The following MAGI2 variants were observed in gnomAD, a reference collection of about 807,000 sequenced individuals.
The protein encoded by MAGI2 is membrane-associated guanylate kinase, WW and PDZ domain-containing protein 2.
Under a neutral mutation model 133.3 loss-of-function variants are expected in MAGI2, and 35 were observed. The ratio of observed to expected loss-of-function variants is 0.26; its 90% confidence interval spans 0.20 to 0.35. The LOEUF (loss-of-function observed/expected upper bound fraction) is 0.35. Ranked by LOEUF, MAGI2 falls within the 10% of genes least tolerant of loss-of-function variation. MAGI2 has a pLI of 1.00. For synonymous variants in MAGI2, 729 were observed against 710.6 expected (o/e 1.03, Z -0.41); for missense variants, 1,636 against 1,863.4 (o/e 0.88, Z 2.25).
In MAGI2 at chr7:79,212,660, G is replaced by A. The variant is rs551194526; in HGVS notation, c.302-205454C>T. Among the ~76,000 whole-genome samples, 602 of 152,206 alleles carry A rather than the reference G, an allele frequency of 4.0e-3. 5 individuals are homozygous for A. The highest frequency in any genetic ancestry group is 0.022 in the South Asian group (105 of 4,828). ...TCTTACAGGGCCACCTGTTCTGTTAGAGGAGCTTGTCTAATTTATTTTCTG... is the reference window on the plus strand; with the variant it reads ...TCTTACAGGGCCACCTGTTCTGTTAAAGGAGCTTGTCTAATTTATTTTCTG... On this transcript the variant is annotated intron_variant, in intron 1 of 21. Coordinates refer to ENST00000354212, the MANE Select transcript of MAGI2 (RefSeq NM_012301.4).
chr7:78,290,417 C>A (rs957417437), intron 9 of MAGI2, among the ~76,000 whole-genome samples: 57 of 152,132 alleles, frequency 3.7e-4, no homozygotes, highest in Admixed American at 2.4e-3. Flanking sequence ...TATATATGCA[C>A]CCAATACAGG....
At chr7:79,198,123 C>T (rs1305402377) in intron 1 of MAGI2, among the ~76,000 whole-genome samples, 1 of 151,846 alleles carries the variant, frequency 6.6e-6, no homozygotes, top group East Asian at 1.9e-4. Context: ...CAAAGTGGTG[C>T]ATGCTTCTGG....
intron 2 of MAGI2, among the ~76,000 whole-genome samples, chr7:78,884,338 GC>G (rs1796104785): frequency 1.3e-5 from 2 of 152,036 alleles, no homozygotes; most frequent in South Asian, 4.1e-4. Context: ...AAAAAAATTA[GC>G]CAAGTGTGCT....
chr7:79,093,032 A>G (rs1283022409), intron 1 of MAGI2, among the ~76,000 whole-genome samples: 1 of 152,190 alleles, frequency 6.6e-6, no homozygotes, highest in African/African-American at 2.4e-5. Flanking sequence ...TCTTTAGATC[A>G]GGTATTATAA....
At chr7:79,402,713 G>A (rs901397297) in intron 1 of MAGI2, among the ~76,000 whole-genome samples, 15 of 152,110 alleles carry the variant, frequency 9.9e-5, no homozygotes, top group Admixed American at 2.0e-4. Context: ...TGTAAACCTA[G>A]AACTTTGGGA....
chr7:78,069,003 A>G (rs1042187897), intron 21 of MAGI2, among the ~76,000 whole-genome samples: 3 of 152,214 alleles, frequency 2.0e-5, no homozygotes, highest in African/African-American at 4.8e-5. Flanking sequence ...TGGAATCAAC[A>G]TTCTCACATT....
intron 1 of MAGI2, among the ~76,000 whole-genome samples, chr7:79,382,992 A>G (rs934547716): frequency 6.6e-6 from 1 of 151,696 alleles, no homozygotes; most frequent in Admixed American, 6.6e-5. Flanking sequence ...TGTTTGCAAA[A>G]GACTTAAAAA....
At chr7:78,813,683 G>A (rs1789279068) in intron 2 of MAGI2, among the ~76,000 whole-genome samples, 1 of 151,432 alleles carries the variant, frequency 6.6e-6, no homozygotes, top group East Asian at 2.0e-4. Context: ...CCACTCGGGA[G>A]GCTGAGGCAG....
rs1268586294 is a variant in MAGI2 at position 79,382,366 on chromosome 7, T to A, written c.301+70654A>T. ...ATATTCTCCTGGAAGTATAATAAAT[T>A]TCTACAATTTAATTATCATTATTAG... On this transcript the variant is annotated intron_variant, in intron 1 of 21. Transcript: ENST00000354212. Among the ~76,000 whole-genome samples the A allele has an allele frequency of 1.7e-4, 26 of 151,634 alleles. No individual in the cohort carries two copies. The Admixed American group carries it at 1.7e-3, about 10-fold the overall frequency.
intron 2 of MAGI2, among the ~76,000 whole-genome samples, chr7:78,652,003 G>T (rs535888150): frequency 6.6e-6 from 1 of 152,232 alleles, no homozygotes; most frequent in Admixed American, 6.5e-5. Flanking sequence ...TATGCTGGTT[G>T]TATATGTATA....
chr7:79,439,652 T>C (rs1420969957), intron 1 of MAGI2, among the ~76,000 whole-genome samples: 1 of 152,138 alleles, frequency 6.6e-6, no homozygotes, highest in Non-Finnish European at 1.5e-5. Flanking sequence ...AGCTTTAGCA[T>C]GACATAAAAC....
intron 21 of MAGI2, chr7:78,065,504 C>A: frequency 1.6e-6 from 1 of 615,706 alleles, no homozygotes. Context: ...AAGCATTATA[C>A]ATCAGTTAAA....
chr7:78,187,585 G>A (rs1248621808), intron 12 of MAGI2, among the ~76,000 whole-genome samples: 1 of 152,124 alleles, frequency 6.6e-6, no homozygotes, highest in East Asian at 1.9e-4. Context: ...TTCAAATAAA[G>A]AGCCAGTTGG....
chr7:79,190,065 T>C (rs1006522625), intron 1 of MAGI2, among the ~76,000 whole-genome samples: 1 of 151,866 alleles, frequency 6.6e-6, no homozygotes, highest in Non-Finnish European at 1.5e-5. Context: ...TTTTTTGTCA[T>C]TATGAATAAA....
rs151002064 is a variant in MAGI2, at chr7:78,497,278, G to C, written c.965+4299C>G. On this transcript the variant is annotated intron_variant, in intron 5 of 21. Transcript: ENST00000354212. ...ACTATTTTAAAGCATGTTTGGAAGAGTGTGTTCACTTGAAATTTAAAATTA... is the reference window on the plus strand; with the variant it reads ...ACTATTTTAAAGCATGTTTGGAAGACTGTGTTCACTTGAAATTTAAAATTA... 8.2e-3 allele frequency among the ~76,000 whole-genome samples: 1,254 copies of C among 152,278 alleles called. 19 individuals are homozygous for C. The highest frequency in any genetic ancestry group is 0.028 in the African/African-American group (1,165 of 41,554).
intron 3 of MAGI2, chr7:78,616,677 G>A (rs182143636): frequency 6.6e-6 from 1 of 152,170 alleles, no homozygotes; most frequent in Admixed American, 6.5e-5. Flanking sequence ...CTTAGGACAT[G>A]TGGTTAACTT....
intron 2 of MAGI2, among the ~76,000 whole-genome samples, chr7:78,683,240 A>T (rs907272631): frequency 2.6e-5 from 4 of 152,162 alleles, no homozygotes; most frequent in African/African-American, 9.7e-5. Flanking sequence ...GGCAATACCA[A>T]TCAGGAGGAC....
intron 1 of MAGI2, among the ~76,000 whole-genome samples, chr7:79,390,527 A>C (rs1170529177): frequency 6.6e-6 from 1 of 152,196 alleles, no homozygotes; most frequent in Non-Finnish European, 1.5e-5. Flanking sequence ...AGAAGGTTTT[A>C]TTTTCAGTAT....
chr7:78,441,675 A>T (rs981886503), intron 6 of MAGI2, among the ~76,000 whole-genome samples: 1 of 152,136 alleles, frequency 6.6e-6, no homozygotes, highest in African/African-American at 2.4e-5. Context: ...GAAAGAAAAA[A>T]ACTACAAAAC....
Sources: allele counts gnomAD v4.1 joint callset (sites outside exome capture counted in the v4.1 genomes callset), GRCh38; gene constraint gnomAD v4.1.1; transcripts MANE v1.5; gene names NCBI Gene and HGNC (gene_info 2026-07-23, HGNC 2026-07-21).